The following TLL2 variants were observed in gnomAD, a reference collection of about 807,000 sequenced individuals.
The protein encoded by TLL2 is tolloid like 2, also known as tolloid-like protein 2.
Under a neutral mutation model 123.0 loss-of-function variants are expected in TLL2, and 106 were observed. That is an observed-to-expected ratio of 0.86 (90% CI 0.74 to 1.01). The LOEUF (loss-of-function observed/expected upper bound fraction) is 1.01, where lower values mean the gene tolerates loss of function less well. Among genes scored for constraint, TLL2 ranks in the 50% least tolerant of loss-of-function variants. TLL2 has a pLI of 0.00. For missense variants in TLL2, 1,332 were observed against 1,336.7 expected (o/e 1.00, Z 0.06); for synonymous variants, 494 against 516.8 (o/e 0.96, Z 0.60).
At chr10:96,459,154 C>T (rs566085268) in intron 2 of TLL2, among the ~76,000 whole-genome samples, 44 of 152,168 alleles carry the variant, frequency 2.9e-4, no homozygotes, top group African/African-American at 9.4e-4. Flanking sequence ...TTTCCCCAAA[C>T]GAAGTTATGG....
intron 17 of TLL2, among the ~76,000 whole-genome samples, chr10:96,377,707 G>A (rs540754832): frequency 4.6e-5 from 7 of 152,326 alleles, no homozygotes; most frequent in East Asian, 1.9e-4. Flanking sequence ...GAGGAGGGCC[G>A]GGGGCAGGAA....
intron 1 of TLL2, among the ~76,000 whole-genome samples, chr10:96,500,630 C>T (rs1348806288): frequency 1.3e-5 from 2 of 152,072 alleles, no homozygotes; most frequent in Non-Finnish European, 2.9e-5. Context: ...CCTGTCTCTA[C>T]GACACATACA....
intron 1 of TLL2, among the ~76,000 whole-genome samples, chr10:96,508,405 C>A (rs2134117808): frequency 6.6e-6 from 1 of 152,244 alleles, no homozygotes; most frequent in Admixed American, 6.5e-5. Flanking sequence ...GGTGAAACAC[C>A]AAATTCCAGG....
At chr10:96,389,668 C>T (rs1923700) in intron 13 of TLL2, among the ~76,000 whole-genome samples, 7,176 of 152,224 alleles carry the variant, frequency 0.047, 329 homozygotes, top group African/African-American at 0.12. Context: ...CTGCAGGAGA[C>T]TCTGATACCA....
At chr10:96,378,903 C>T (rs1454783118) in intron 17 of TLL2, 64 bp downstream of exon 17, 3 of 1,600,062 alleles carry the variant, frequency 1.9e-6, no homozygotes, top group Admixed American at 3.3e-5. Context: ...TGCACATGCA[C>T]ACAGGGGCAT....
chr10:96,366,272 G>T lies in TLL2; in HGVS notation c.*1816C>A, dbSNP rs144658576. On this transcript the variant is annotated 3_prime_UTR_variant, in exon 21 of 21. Transcript: ENST00000357947. ...GGTCTGCCATATGCACAATATGAGC[G>T]TGTAGGCTGAGCCTCAGTCCAGGGC... 6.6e-6 allele frequency: 1 copy of T among 152,640 alleles called. No homozygotes were observed. The highest frequency in any genetic ancestry group is 1.5e-5 in the Non-Finnish European group (1 of 68,064). The allele number at this position is 152,640 out of a possible 1,614,324, so 9.5% of individuals were successfully genotyped here. A position where few individuals can be genotyped will look rare whatever the true frequency, so the allele number is the denominator to read the frequency against.
At chr10:96,419,432 A>G (rs544294490) in intron 7 of TLL2, among the ~76,000 whole-genome samples, 1 of 152,244 alleles carries the variant, frequency 6.6e-6, no homozygotes, top group African/African-American at 2.4e-5. Context: ...AAGGGGTCAC[A>G]GGAGAACTAT....
chr10:96,380,677 A>T (rs1846177773), intron 16 of TLL2, among the ~76,000 whole-genome samples: 1 of 99,996 alleles, frequency 1.0e-5, no homozygotes, highest in African/African-American at 4.1e-5. Context: ...TGGGCGACAG[A>T]GCGAGACTCT....
intron 1 of TLL2, among the ~76,000 whole-genome samples, chr10:96,486,918 GT>G (rs939219403): frequency 3.9e-5 from 6 of 152,246 alleles, no homozygotes; most frequent in Non-Finnish European, 7.3e-5. Context: ...ATCTCCTCAT[GT>G]CCAGTGCTCA....
chr10:96,380,693 A>C (rs1273896927), intron 16 of TLL2, among the ~76,000 whole-genome samples: 7 of 2,268 alleles, frequency 3.1e-3, no homozygotes, highest in Admixed American at 6.0e-3. Context: ...ACTCTATCTC[A>C]AAAAAAAAAA....
rs115580201 is a variant in TLL2 at position 96,387,131 on chromosome 10, G to C, written c.1727-53C>G. On this transcript the variant is annotated intron_variant, in intron 13 of 20. Coordinates refer to ENST00000357947, the MANE Select transcript of TLL2 (RefSeq NM_012465.4). ...TACATTGTCAGGAAGCCTCCTGGCT[G>C]TTCCCAACCCTTGCATATCCCAGTG... The C allele has an allele frequency of 1.6e-3, 2,514 of 1,592,834 alleles. 30 individuals are homozygous for C. In the African/African-American group the frequency reaches 0.03, roughly 19 times the overall value.
intron 1 of TLL2, among the ~76,000 whole-genome samples, chr10:96,501,439 T>C (rs1847532333): frequency 1.3e-5 from 2 of 152,132 alleles, no homozygotes; most frequent in Admixed American, 1.3e-4. Flanking sequence ...CTCTGAGAGG[T>C]CCTCCTGCTT....
rs547078940 is a variant in TLL2 at position 96,376,765 on chromosome 10, C to T, written c.2375G>A (p.Trp792Ter). The T allele has an allele frequency of 3.2e-5, 51 of 1,597,698 alleles. No individual in the cohort carries two copies. In the South Asian group the frequency reaches 5.4e-4, roughly 17 times the overall value. ...CCTCCGGCTGGGGTATTTGTCAGGC[C>T]AGTTGGGGCTCGCCAGGGTCCCCTC... Reference protein sequence around the residue: ...SVEGTLASPNWPDKYPSRREC... With the variant: ...SVEGTLASPN The change falls in exon 18 of 21, where the codon TGG becomes TAG. Residue 792 changes from tryptophan to a stop codon, truncating the protein, a stop_gained. Coordinates refer to ENST00000357947, the MANE Select transcript of TLL2 (RefSeq NM_012465.4). LOFTEE classifies it high-confidence loss of function.
Position 96,367,812 on chromosome 10 carries a change from G to A in TLL2, c.*276C>T, listed in dbSNP as rs919393401. On this transcript the variant is annotated 3_prime_UTR_variant, in exon 21 of 21. Transcript: ENST00000357947. ...GAGAATGGTATGAAGAAGCATAGCC[G>A]GAATGGTCAGTGACTTCAATCCTAA... The A allele has an allele frequency of 6.0e-5, 21 of 350,988 alleles. No homozygotes were observed. Among genetic ancestry groups the A allele is most frequent in the Non-Finnish European group, 8.5e-5 (16 of 187,258 alleles). The allele number at this position is 350,988 out of a possible 1,614,324, so 21.7% of individuals were successfully genotyped here. A position where few individuals can be genotyped will look rare whatever the true frequency, so the allele number is the denominator to read the frequency against.
rs781042825 is a variant in TLL2, at chr10:96,396,040, G to C, written c.1385-20C>G. The stretch of plus-strand genomic sequence containing the variant: ...AGGTAGCTTTAGAAAGAGACATCAG[G>C]AGAGGAAGACGGGGGCCCTGGTCAG... On this transcript the variant is annotated intron_variant, in intron 11 of 20. Coordinates refer to ENST00000357947, the MANE Select transcript of TLL2 (RefSeq NM_012465.4). 2.5e-6 allele frequency: 4 copies of C among 1,613,226 alleles called. No individual in the cohort carries two copies. The highest frequency in any genetic ancestry group is 2.5e-6 in the Non-Finnish European group (3 of 1,179,366).
At chr10:96,511,822 C>T (rs1236083790) in intron 1 of TLL2, among the ~76,000 whole-genome samples, 1 of 152,228 alleles carries the variant, frequency 6.6e-6, no homozygotes, top group Non-Finnish European at 1.5e-5. Context: ...CCAGGTCACA[C>T]CCAGCAGGGT....
At position 96,393,258 on chromosome 10, in the gene TLL2, T is replaced by C. The variant is rs969762013; in HGVS notation, c.1726+1929A>G. Among the ~76,000 whole-genome samples the C allele has an allele frequency of 2.0e-5, 3 of 152,242 alleles. No homozygotes were observed. The South Asian group carries it at 6.2e-4, about 32-fold the overall frequency. ...AGCCACCAAGCCTGTGGTAAATTGC[T>C]ACAGCAGGAATAGGAAACCAGTCCA... On this transcript the variant is annotated intron_variant, in intron 13 of 20. Transcript: ENST00000357947.
At chr10:96,506,059 C>A (rs1165758627) in intron 1 of TLL2, among the ~76,000 whole-genome samples, 2 of 151,696 alleles carry the variant, frequency 1.3e-5, no homozygotes, top group African/African-American at 4.8e-5. Flanking sequence ...TGAGACCAGC[C>A]TAGCCAACCT....
At chr10:96,440,438 T>C (rs1250770035) in intron 3 of TLL2, among the ~76,000 whole-genome samples, 10 of 152,256 alleles carry the variant, frequency 6.6e-5, no homozygotes, top group African/African-American at 2.4e-4. Context: ...AAGCCCTTAA[T>C]GTTTACATCC....
Sources: allele counts gnomAD v4.1 joint callset (sites outside exome capture counted in the v4.1 genomes callset), GRCh38; gene constraint gnomAD v4.1.1; transcripts MANE v1.5; gene names NCBI Gene and HGNC (gene_info 2026-07-23, HGNC 2026-07-21).